KANSL1L: variants seen among roughly 807,000 people sequenced by gnomAD.
KANSL1L encodes KAT8 regulatory NSL complex subunit 1 like.
KANSL1L carries 25 observed loss-of-function variants against 108.6 expected under a neutral mutation model. That is an observed-to-expected ratio of 0.23 (90% CI 0.17 to 0.32). KANSL1L has a LOEUF of 0.32. Among genes scored for constraint, KANSL1L ranks in the 10% least tolerant of loss-of-function variants. The pLI is 1.00. For missense variants in KANSL1L, 1,137 were observed against 1,125.7 expected (o/e 1.01, Z -0.14); for synonymous variants, 405 against 395.1 (o/e 1.03, Z -0.30).
chr2:210,147,533 C>A (rs2095274119), intron 2 of KANSL1L, among the ~76,000 whole-genome samples: 1 of 152,144 alleles, frequency 6.6e-6, no homozygotes, highest in South Asian at 2.1e-4. Context: ...TGAATTTCTG[C>A]CCTTTACTTC....
At chr2:210,084,838 T>C (rs2094622948) in intron 5 of KANSL1L, among the ~76,000 whole-genome samples, 1 of 152,038 alleles carries the variant, frequency 6.6e-6, no homozygotes, top group Admixed American at 6.6e-5. Context: ...TCTCGATCTC[T>C]TGACCTCATG....
chr2:210,153,705 T>A lies in KANSL1L; in HGVS notation c.878A>T (p.Lys293Met). The stretch of plus-strand genomic sequence containing the variant: ...TGCAGTCAATGTGTTAACTTCTGGC[T>A]TAATTTCAGTGCATTTAGGTAAACT... ...GNSLPKCTEI[K>M]PEVNTLTAEN... Residue 293 changes from lysine to methionine, a missense_variant, in exon 2 of 15, where the codon AAG (lysine) becomes ATG (methionine). Around this residue, in one of 3 missense-constraint regions of KANSL1L, gnomAD observed 556 missense variants for 537.7 expected, o/e 1.03. Coordinates refer to ENST00000281772, the MANE Select transcript of KANSL1L (RefSeq NM_152519.4). 3 of 1,604,818 alleles carry A rather than the reference T, an allele frequency of 1.9e-6. No homozygotes were observed. The highest frequency in any genetic ancestry group is 2.6e-6 in the Non-Finnish European group (3 of 1,176,232).
At chr2:210,165,167 C>A (rs1288721755) in intron 1 of KANSL1L, among the ~76,000 whole-genome samples, 1 of 149,166 alleles carries the variant, frequency 6.7e-6, no homozygotes, top group Non-Finnish European at 1.5e-5. Flanking sequence ...ACTTACATTC[C>A]AATTTTACTA....
At chr2:210,083,180 A>C (rs1303326078) in intron 5 of KANSL1L, among the ~76,000 whole-genome samples, 1 of 152,170 alleles carries the variant, frequency 6.6e-6, no homozygotes, top group Non-Finnish European at 1.5e-5. Context: ...GAAGAGGCAA[A>C]GAAGGATTCC....
intron 2 of KANSL1L, among the ~76,000 whole-genome samples, chr2:210,145,752 C>T (rs1244116655): frequency 6.6e-6 from 1 of 152,176 alleles, no homozygotes; most frequent in East Asian, 1.9e-4. Context: ...AGCCAATGTT[C>T]ATAGCAAAGC....
At position 210,143,222 on chromosome 2, in the gene KANSL1L, C is replaced by T. The variant is rs1391700712; in HGVS notation, c.1088+10273G>A. On this transcript the variant is annotated intron_variant, in intron 2 of 14. Transcript: ENST00000281772. ...TTTTGTCTTTTTTTACATGTTTTGG[C>T]CTAAAGTGCATTTTTTTTCTGATAT... is the stretch of plus-strand genomic sequence containing the variant. 2.6e-5 allele frequency among the ~76,000 whole-genome samples: 4 copies of T among 151,604 alleles called. No individual in the cohort carries two copies. The South Asian group carries it at 8.3e-4, about 32-fold the overall frequency.
At chr2:210,077,491 AGTGG>A (rs2094550820) in intron 5 of KANSL1L, among the ~76,000 whole-genome samples, 1 of 152,264 alleles carries the variant, frequency 6.6e-6, no homozygotes, top group South Asian at 2.1e-4. Context: ...GAACAGGCTA[AGTGG>A]CTAGCATAGA....
At chr2:210,027,168 T>A (rs1190117180) in intron 12 of KANSL1L, 128 bp downstream of exon 12, 4 of 598,310 alleles carry the variant, frequency 6.7e-6, no homozygotes, top group Non-Finnish European at 1.2e-5. Flanking sequence ...TTCCTTTTCA[T>A]AAGTGAAAAG....
chr2:210,040,224 T>G (rs1318758318), intron 8 of KANSL1L, 196 bp downstream of exon 8: 1 of 465,700 alleles, frequency 2.1e-6, no homozygotes, highest in African/African-American at 2.0e-5. Context: ...ATAATTACAA[T>G]TCAATAGGTA....
At chr2:210,026,408 A>G (rs568789445) in intron 12 of KANSL1L, 133 of 152,340 alleles carry the variant, frequency 8.7e-4, no homozygotes, top group African/African-American at 3.1e-3. Flanking sequence ...AAAATCTGCA[A>G]AAACAAATTT....
chr2:210,172,220 A>G (rs897927419), upstream of KANSL1L, among the ~76,000 whole-genome samples: 3 of 152,090 alleles, frequency 2.0e-5, no homozygotes, highest in African/African-American at 7.2e-5. Flanking sequence ...CCAGCCAAGA[A>G]CTCGATTTTT....
At chr2:210,117,311 G>A (rs981089471) in intron 3 of KANSL1L, among the ~76,000 whole-genome samples, 3 of 152,272 alleles carry the variant, frequency 2.0e-5, no homozygotes, top group Admixed American at 2.0e-4. Flanking sequence ...AAGAGAAAGA[G>A]ATCAGCGTAG....
At chr2:210,108,306 T>A (rs1187752343) in intron 3 of KANSL1L, among the ~76,000 whole-genome samples, 2 of 152,180 alleles carry the variant, frequency 1.3e-5, no homozygotes, top group Non-Finnish European at 2.9e-5. Flanking sequence ...AAGGGCCAGA[T>A]ACACATTTAT....
chr2:210,156,002 T>C (rs1032151720), intron 1 of KANSL1L, among the ~76,000 whole-genome samples: 1 of 152,078 alleles, frequency 6.6e-6, no homozygotes, highest in Non-Finnish European at 1.5e-5. Context: ...TTCTATGTAA[T>C]TAAAAAAACG....
chr2:210,151,077 G>A (rs2095300133), intron 2 of KANSL1L, among the ~76,000 whole-genome samples: 1 of 152,120 alleles, frequency 6.6e-6, no homozygotes, highest in African/African-American at 2.4e-5. Context: ...GTGCAAGGGG[G>A]TGATACGGGC....
At chr2:210,043,230 T>C (rs2094186657) in intron 7 of KANSL1L, among the ~76,000 whole-genome samples, 1 of 151,712 alleles carries the variant, frequency 6.6e-6, no homozygotes, top group Non-Finnish European at 1.5e-5. Flanking sequence ...TACAAAAAAA[T>C]TTAAAAATTA....
At chr2:210,095,862 T>A (rs993889660) in intron 5 of KANSL1L, among the ~76,000 whole-genome samples, 1 of 152,090 alleles carries the variant, frequency 6.6e-6, no homozygotes, top group Non-Finnish European at 1.5e-5. Context: ...AAGGAAAATA[T>A]GATATTTTGA....
chr2:210,036,987 C>T (rs987376175), intron 8 of KANSL1L, among the ~76,000 whole-genome samples: 1 of 152,058 alleles, frequency 6.6e-6, no homozygotes, highest in Non-Finnish European at 1.5e-5. Context: ...GAACTCTGGG[C>T]TCAAGCGATC....
chr2:210,161,285 G>A (rs2095360078), intron 1 of KANSL1L, among the ~76,000 whole-genome samples: 1 of 152,090 alleles, frequency 6.6e-6, no homozygotes, highest in Non-Finnish European at 1.5e-5. Context: ...ACTGCGCCTG[G>A]CCTGATTATT....
Sources: gnomAD v4.1 joint callset for allele counts (sites outside exome capture counted in the v4.1 genomes callset) on GRCh38, gnomAD v4.1.1 for gene constraint, gnomAD v4.1.1 regional missense constraint, MANE v1.5 for transcripts, NCBI Gene and HGNC (gene_info 2026-07-23, HGNC 2026-07-21) for gene names.